Variants in GIGYF2 observed in about 807,000 individuals in gnomAD.
GIGYF2 encodes GRB10 interacting GYF protein 2.
A neutral mutation model predicts 208.1 loss-of-function variants in GIGYF2; 25 were observed. The ratio of observed to expected loss-of-function variants is 0.12; its 90% CI spans 0.09 to 0.17. GIGYF2 has a LOEUF of 0.17. Among genes scored for constraint, GIGYF2 ranks in the 10% least tolerant of loss-of-function variants. The pLI is 1.00. For missense variants in GIGYF2, 1,302 were observed against 1,579.4 expected, an observed-to-expected ratio of 0.82 and a Z score of 2.98; for synonymous variants, 534 against 543.8, an observed-to-expected ratio of 0.98 and a Z score of 0.25.
At chr2:232,704,641 C>T (rs1047230407) in intron 2 of GIGYF2, among the ~76,000 whole-genome samples, 8 of 152,040 alleles carry the variant, frequency 5.3e-5, no homozygotes, top group African/African-American at 1.9e-4. Context: ...AAGTGATCCA[C>T]CTGCCTTTGC....
chr2:232,733,114 G>A lies in GIGYF2; in HGVS notation c.-43-2041G>A, dbSNP rs186022204. ...TACTAAAAATACAAAAATATTAGCC[G>A]GGTGTGGTGGCACGTGCCTGTAGTC... On this transcript the variant is annotated intron_variant, in intron 2 of 28. Transcript: ENST00000373563. Among the ~76,000 whole-genome samples the A allele has an allele frequency of 2.4e-3, 365 of 152,180 alleles. 2 individuals are homozygous for A. The highest frequency in any genetic ancestry group is 8.5e-3 in the African/African-American group (353 of 41,512).
At chr2:232,836,628 C>T (rs1701648598) in intron 22 of GIGYF2, among the ~76,000 whole-genome samples, 1 of 146,640 alleles carries the variant, frequency 6.8e-6, no homozygotes, top group South Asian at 2.1e-4. Context: ...CACTTAAATT[C>T]AGGTTTCTTT....
intron 27 of GIGYF2, among the ~76,000 whole-genome samples, chr2:232,848,322 C>T (rs1559168731): frequency 2.0e-5 from 3 of 152,182 alleles, no homozygotes; most frequent in African/African-American, 7.2e-5. Context: ...ACAACCAGTT[C>T]TTCAGCACTA....
chr2:232,774,012 T>G (rs1027024739), intron 8 of GIGYF2, among the ~76,000 whole-genome samples: 1 of 151,594 alleles, frequency 6.6e-6, no homozygotes, highest in Non-Finnish European at 1.5e-5. Flanking sequence ...CCAGGCATGG[T>G]GACTCATGCC....
chr2:232,792,494 C>T (rs116680354), intron 12 of GIGYF2, among the ~76,000 whole-genome samples: 3,282 of 152,174 alleles, frequency 0.022, 123 homozygotes, highest in African/African-American at 0.075. Flanking sequence ...CCCAGCTACT[C>T]GGGAAGCTGA....
At chr2:232,809,533 T>A (rs1453940061) in intron 15 of GIGYF2, among the ~76,000 whole-genome samples, 187 bp from the exon 16 acceptor site, 1 of 152,232 alleles carries the variant, frequency 6.6e-6, no homozygotes, top group Non-Finnish European at 1.5e-5. Flanking sequence ...ACACCACTGT[T>A]TCCACTAGAT....
At chr2:232,750,749 GTGTGTGTGTGTATGTT>G (rs1698308413) in intron 5 of GIGYF2, among the ~76,000 whole-genome samples, 1 of 151,644 alleles carries the variant, frequency 6.6e-6, no homozygotes, top group Admixed American at 6.6e-5. Context: ...GTGTGTGTGT[GTGTGTGTGTGTATGTT>G]TGTGTGTGTG....
chr2:232,765,904 C>A (rs935334877), intron 8 of GIGYF2: 2 of 469,344 alleles, frequency 4.3e-6, no homozygotes, highest in African/African-American at 2.0e-5. Flanking sequence ...TCCAAAGGAA[C>A]GTTTAAAGTT....
chr2:232,823,285 G>GT (rs1701150939), intron 21 of GIGYF2, among the ~76,000 whole-genome samples: 1 of 151,110 alleles, frequency 6.6e-6, no homozygotes, highest in Non-Finnish European at 1.5e-5. Flanking sequence ...ATTTGGTACT[G>GT]TTTTGTTAAG....
At chr2:232,813,650 A>T (rs1700811245) in intron 18 of GIGYF2, among the ~76,000 whole-genome samples, 1 of 152,192 alleles carries the variant, frequency 6.6e-6, no homozygotes, top group Non-Finnish European at 1.5e-5. Context: ...CTGTTGAGCC[A>T]TTCAGGTCAT....
At chr2:232,776,652 G>A in intron 8 of GIGYF2, 1 of 602,432 alleles carries the variant, frequency 1.7e-6, no homozygotes, top group Non-Finnish European at 3.0e-6. Context: ...TAGCCTGCAG[G>A]GGGGCCAATT....
intron 21 of GIGYF2, among the ~76,000 whole-genome samples, chr2:232,832,212 A>G (rs1245073262): frequency 3.3e-5 from 5 of 152,222 alleles, no homozygotes; most frequent in Non-Finnish European, 7.3e-5. Flanking sequence ...TGGGTAAGAC[A>G]AAGCATTGCA....
chr2:232,715,215 A>G (rs1306965986), intron 2 of GIGYF2, among the ~76,000 whole-genome samples: 3 of 152,182 alleles, frequency 2.0e-5, no homozygotes, highest in Admixed American at 1.3e-4. Context: ...TTTTAATGCC[A>G]AGAATTTTCC....
chr2:232,789,437 A>G (rs938601943), intron 9 of GIGYF2, among the ~76,000 whole-genome samples: 4 of 152,184 alleles, frequency 2.6e-5, no homozygotes, highest in African/African-American at 7.2e-5. Context: ...TTGATCATGA[A>G]GACTCTTTTC....
chr2:232,739,510 CA>C (rs1472168548), intron 3 of GIGYF2, among the ~76,000 whole-genome samples: 1 of 147,618 alleles, frequency 6.8e-6, no homozygotes, highest in Admixed American at 6.8e-5. Context: ...CTCTTCTCTA[CA>C]AAAAAAATTA....
At chr2:232,845,468 C>T (rs191377283) in intron 25 of GIGYF2, among the ~76,000 whole-genome samples, 51 of 152,280 alleles carry the variant, frequency 3.3e-4, no homozygotes, top group African/African-American at 1.2e-3. Flanking sequence ...AATTAAACAA[C>T]TTACCTAAGG....
At position 232,780,595 on chromosome 2, in the gene GIGYF2, A is replaced by G. The variant is rs548048354; in HGVS notation, c.533-6555A>G. On this transcript the variant is annotated intron_variant, in intron 8 of 28. Coordinates refer to ENST00000373563, the MANE Select transcript of GIGYF2 (RefSeq NM_001103146.3). ...CAGCACAAAGTGCATGTCCAGTGCA[A>G]GGATTCACAGCCCTGAGCTCATTCA... Among the ~76,000 whole-genome samples, 4 of 152,364 alleles carry G rather than the reference A, an allele frequency of 2.6e-5. No individual in the cohort carries two copies. The South Asian group carries it at 8.3e-4, about 32-fold the overall frequency.
Position 232,847,589 on chromosome 2 carries a change from G to A in GIGYF2, c.3684+18G>A, listed in dbSNP as rs1377399894. 4 of 1,611,880 alleles carry A rather than the reference G, an allele frequency of 2.5e-6. No homozygotes were observed. The highest frequency in any genetic ancestry group is 2.2e-5 in the South Asian group (2 of 91,000). ...AACAGCAGGTATAAAGTAGTGTGGT[G>A]TATGCGGTACCTCTGAGGATTAATA... is the stretch of plus-strand genomic sequence containing the variant. On this transcript the variant is annotated intron_variant, in intron 27 of 28. Transcript: ENST00000373563.
intron 8 of GIGYF2, among the ~76,000 whole-genome samples, chr2:232,772,877 C>T (rs946669405): frequency 2.6e-5 from 4 of 152,114 alleles, no homozygotes; most frequent in South Asian, 2.1e-4. Context: ...TCCTATATCT[C>T]GGGACTTTGA....
Sources: allele counts gnomAD v4.1 joint callset (sites outside exome capture counted in the v4.1 genomes callset), GRCh38; gene constraint gnomAD v4.1.1; transcripts MANE v1.5; gene names NCBI Gene and HGNC (gene_info 2026-07-23, HGNC 2026-07-21).